The following KIRREL1 variants were observed in gnomAD, a reference collection of about 807,000 sequenced individuals.
KIRREL1 encodes kirre like nephrin family adhesion molecule 1.
In KIRREL1, 25 loss-of-function variants were observed where a neutral mutation model predicts 83.3. The ratio of observed to expected loss-of-function variants is 0.30; its 90% CI spans 0.22 to 0.42. The LOEUF (loss-of-function observed/expected upper bound fraction) is 0.42, where lower values mean the gene tolerates loss of function less well. KIRREL1 is among the 10% of genes least tolerant of loss of function. The pLI is 1.00. For synonymous variants in KIRREL1, 388 were observed against 410.4 expected (o/e 0.95, Z 0.66); for missense variants, 812 against 1,032.3 (o/e 0.79, Z 2.92).
chr1:158,042,894 A>G (rs1166828485), intron 1 of KIRREL1, among the ~76,000 whole-genome samples: 1 of 146,720 alleles, frequency 6.8e-6, no homozygotes, highest in African/African-American at 2.5e-5. Context: ...TAACACGGTG[A>G]AACCCCGTCT....
rs1278064153 is a variant in KIRREL1 at position 158,094,183 on chromosome 1, G to C, written c.1720-130G>C. The C allele has an allele frequency of 5.2e-6, 4 of 767,690 alleles. No individual in the cohort carries two copies. In the African/African-American group the frequency reaches 6.9e-5, roughly 13 times the overall value. 47.6% of individuals were successfully genotyped at this position (767,690 alleles called of 1,614,324 possible). A position where few individuals can be genotyped will look rare whatever the true frequency, so the allele number is the denominator to read the frequency against. Reference sequence around the variant, plus strand: ...CCCAGAGCCTCTGCTGAGAGGACCAGAACTCAAGTCTGCCCTTGACCTCAG... The same window carrying C: ...CCCAGAGCCTCTGCTGAGAGGACCACAACTCAAGTCTGCCCTTGACCTCAG... On this transcript the variant is annotated intron_variant, in intron 13 of 14. Coordinates refer to ENST00000359209, the MANE Select transcript of KIRREL1 (RefSeq NM_018240.7). This position sits in a 1 kb window ranked among gnomAD's most constrained non-coding sequence, Gnocchi z 4.6.
intron 10 of KIRREL1, 89 bp from the exon 11 acceptor site, chr1:158,091,269 G>A: frequency 8.3e-7 from 1 of 1,202,992 alleles, no homozygotes; most frequent in East Asian, 2.4e-5. Flanking sequence ...TAGGGGTGAG[G>A]GTGCCTTGAG....
chr1:158,015,453 C>A (rs1399740417), intron 1 of KIRREL1, among the ~76,000 whole-genome samples: 1 of 152,140 alleles, frequency 6.6e-6, no homozygotes, highest in Non-Finnish European at 1.5e-5. Flanking sequence ...TGGTTTTGGC[C>A]CCTTAAAGAA....
Position 157,997,606 on chromosome 1 carries a change from C to T in KIRREL1, c.52+3878C>T, listed in dbSNP as rs1339054537. On this transcript the variant is annotated intron_variant, in intron 1 of 14. Transcript: ENST00000359209. ...CCCAGAAGGGGAAACTGACCCCCTCCTTGGAGACCTCAGAAAAGATCTGGG... is the reference window on the plus strand; with the variant it reads ...CCCAGAAGGGGAAACTGACCCCCTCTTTGGAGACCTCAGAAAAGATCTGGG... Among the ~76,000 whole-genome samples the T allele has an allele frequency of 2.0e-5, 3 of 152,076 alleles. 1 individual carries two copies. Among genetic ancestry groups the T allele is most frequent in the Non-Finnish European group, 4.4e-5 (3 of 68,012 alleles).
chr1:158,073,457 C>T (rs915047035), intron 1 of KIRREL1, among the ~76,000 whole-genome samples: 1 of 152,216 alleles, frequency 6.6e-6, no homozygotes, highest in African/African-American at 2.4e-5. Context: ...CCACGCATAG[C>T]ATACACCTCA....
chr1:158,071,685 C>T (rs904856738), intron 1 of KIRREL1, among the ~76,000 whole-genome samples: 1 of 152,104 alleles, frequency 6.6e-6, no homozygotes, highest in Non-Finnish European at 1.5e-5. Context: ...CCTTGTGTTT[C>T]TGTTTGGCAC....
At chr1:158,075,207 G>T (rs1661643260) in intron 1 of KIRREL1, among the ~76,000 whole-genome samples, 1 of 152,146 alleles carries the variant, frequency 6.6e-6, no homozygotes. Flanking sequence ...AACCCGCAAT[G>T]CAATTCCCTG....
Position 157,993,714 on chromosome 1 carries a change from A to C in KIRREL1, c.38A>C (p.Asp13Ala). The C allele has an allele frequency of 6.7e-7, 1 of 1,494,168 alleles. No homozygotes were observed. Among genetic ancestry groups the C allele is most frequent in the Middle Eastern group, 1.7e-4 (1 of 5,846 alleles). The allele number at this position is 1,494,168 out of a possible 1,614,324, so 92.6% of individuals were successfully genotyped here. ...SLLVWILTLS[D>A]TFSQGTQTRF... ...CTCGTCTGGATCCTCACTCTCTCCG[A>C]TACTTTCTCCCAAGGTAAGGGCCCC... Residue 13 changes from aspartate to alanine, a missense_variant, in exon 1 of 15, where the codon GAT becomes GCT. By Grantham distance (126) the Asp-to-Ala change is moderately radical. Around this residue, in one of 3 missense-constraint regions of KIRREL1, gnomAD observed 472 missense variants for 626.8 expected, o/e 0.75. Coordinates refer to ENST00000359209, the MANE Select transcript of KIRREL1 (RefSeq NM_018240.7).
intron 1 of KIRREL1, among the ~76,000 whole-genome samples, chr1:158,068,161 C>T (rs898162124): frequency 6.6e-6 from 1 of 152,210 alleles, no homozygotes; most frequent in Non-Finnish European, 1.5e-5. Flanking sequence ...GTCTTTTTCA[C>T]TGCAAACTGT....
chr1:158,089,789 A>G lies in KIRREL1; in HGVS notation c.1243A>G (p.Ile415Val), dbSNP rs1490057293. The change falls in exon 10 of 15, where the codon ATT becomes GTT. Residue 415 changes from isoleucine to valine, a missense_variant. Physicochemically the swap from Ile to Val is conservative, Grantham distance 29. Transcript: ENST00000359209. ...TGACGGTGGCAAGGTGGAGTGTTTC[A>G]TTGGGAGCACACCACCCCCAGACCG... ...RGDGGKVECF[I>V]GSTPPPDRIA... 3 of 1,613,882 alleles carry G rather than the reference A, an allele frequency of 1.9e-6. No individual in the cohort carries two copies. In the African/African-American group the frequency reaches 4.0e-5, roughly 22 times the overall value.
intron 1 of KIRREL1, among the ~76,000 whole-genome samples, chr1:158,052,214 C>T (rs1342402727): frequency 6.6e-6 from 1 of 152,168 alleles, no homozygotes; most frequent in Non-Finnish European, 1.5e-5. Context: ...GAACCAGTTG[C>T]ATATGCAGCA....
intron 1 of KIRREL1, among the ~76,000 whole-genome samples, chr1:158,064,070 C>T (rs1438934692): frequency 1.3e-5 from 2 of 152,108 alleles, no homozygotes; most frequent in African/African-American, 4.8e-5. Context: ...TACATTCATC[C>T]TTAATTCAGA....
chr1:158,070,264 C>T (rs1008558252), intron 1 of KIRREL1, among the ~76,000 whole-genome samples: 1 of 152,176 alleles, frequency 6.6e-6, no homozygotes, highest in African/African-American at 2.4e-5. Flanking sequence ...GGAGAGACAC[C>T]CGGGATATCC....
At chr1:158,086,493 A>T in intron 4 of KIRREL1, 103 bp from the exon 5 acceptor site, 2 of 1,170,186 alleles carry the variant, frequency 1.7e-6, no homozygotes, top group Non-Finnish European at 2.4e-6. Context: ...GCTTTAAGTT[A>T]AAGTACCCCT....
At position 158,088,162 on chromosome 1, in the gene KIRREL1, G is replaced by C; in HGVS notation, c.916+8G>C. ...CTTTAGTAAATGTCCACTGTGAGTA[G>C]CTGGGAGGGCAGGGACGGGGACAGA... is the stretch of plus-strand genomic sequence containing the variant. On this transcript the variant is annotated splice_region_variant and intron_variant, in intron 7 of 14. Transcript: ENST00000359209. 1 of 1,614,208 alleles carries C rather than the reference G, an allele frequency of 6.2e-7. No individual in the cohort carries two copies. Among genetic ancestry groups the C allele is most frequent in the Non-Finnish European group, 8.5e-7 (1 of 1,180,040 alleles).
At chr1:158,043,394 T>A (rs1361564116) in intron 1 of KIRREL1, among the ~76,000 whole-genome samples, 1 of 151,854 alleles carries the variant, frequency 6.6e-6, no homozygotes. Context: ...TGCTCAGCCC[T>A]CTCTTGGCCC....
At chr1:158,023,503 GGA>G (rs1660063103) in intron 1 of KIRREL1, among the ~76,000 whole-genome samples, 1 of 152,144 alleles carries the variant, frequency 6.6e-6, no homozygotes, top group South Asian at 2.1e-4. Context: ...AAAGTATTTT[GGA>G]GTGAGCATAA....
rs942354482 is a variant in KIRREL1, at chr1:158,084,547, G to C, written c.478G>C (p.Gly160Arg). Residue 160 changes from glycine to arginine, a missense_variant, in exon 4 of 15, where the codon GGG becomes CGG. Gly to Arg is a moderately radical substitution (Grantham distance 125, BLOSUM62 -2). Around this residue, in one of 3 missense-constraint regions of KIRREL1, gnomAD observed 472 missense variants for 626.8 expected, o/e 0.75. Transcript: ENST00000359209. ...TGCCACCATCATCTGGTTCCGGGAC[G>C]GGACGCAGCAGGAGGGCGCTGTGGC... is the stretch of plus-strand genomic sequence containing the variant. The part of the protein sequence containing the change: ...PAATIIWFRD[G>R]TQQEGAVAST... 2 of 1,551,780 alleles carry C rather than the reference G, an allele frequency of 1.3e-6. No homozygotes were observed. The highest frequency in any genetic ancestry group is 2.4e-5 in the South Asian group (2 of 84,060).
chr1:158,043,087 CAAAA>C (rs71084262), intron 1 of KIRREL1, among the ~76,000 whole-genome samples: 4 of 108,206 alleles, frequency 3.7e-5, no homozygotes, highest in Non-Finnish European at 3.7e-5. Context: ...GACTCCATCT[CAAAA>C]AAAAAAAAAA....
Sources: gnomAD v4.1 joint callset for allele counts (sites outside exome capture counted in the v4.1 genomes callset) on GRCh38, gnomAD v4.1.1 for gene constraint, gnomAD v4.1.1 regional missense constraint, Gnocchi (gnomAD v3.1) non-coding constraint, MANE v1.5 for transcripts, NCBI Gene and HGNC (gene_info 2026-07-23, HGNC 2026-07-21) for gene names.